The following COL22A1 variants were observed in gnomAD, a reference collection of about 807,000 sequenced individuals.
COL22A1 encodes the protein collagen type XXII alpha 1 chain.
A neutral mutation model predicts 248.9 loss-of-function variants in COL22A1; 221 were observed. The observed-to-expected ratio is 0.89, with a 90% confidence interval of 0.80 to 0.99. The LOEUF (loss-of-function observed/expected upper bound fraction) is 0.99. Ranked by LOEUF, COL22A1 falls within the 50% of genes least tolerant of loss-of-function variation. The pLI, the probability that COL22A1 is intolerant of heterozygous loss-of-function variation, is 0.00. For synonymous variants in COL22A1, 891 were observed against 793.4 expected (o/e 1.12, Z -2.07); for missense variants, 2,240 against 2,179.0 (o/e 1.03, Z -0.56).
intron 5 of COL22A1, among the ~76,000 whole-genome samples, chr8:138,831,338 C>T (rs563028446): frequency 6.6e-6 from 1 of 152,306 alleles, no homozygotes; most frequent in East Asian, 1.9e-4. Context: ...TTTCCTCATT[C>T]CCTACTCTGG....
At chr8:138,768,043 G>A (rs1834045751) in intron 16 of COL22A1, among the ~76,000 whole-genome samples, 1 of 152,182 alleles carries the variant, frequency 6.6e-6, no homozygotes, top group South Asian at 2.1e-4. Flanking sequence ...GTGTCCCTGT[G>A]GTACTTCATG....
intron 47 of COL22A1, among the ~76,000 whole-genome samples, chr8:138,642,653 G>A (rs1821817596): frequency 6.6e-6 from 1 of 152,172 alleles, no homozygotes; most frequent in Non-Finnish European, 1.5e-5. Context: ...CTGCATGCAG[G>A]CTTGGGCTGA....
chr8:138,819,452 G>A (rs1206632703), intron 7 of COL22A1, among the ~76,000 whole-genome samples: 1 of 151,840 alleles, frequency 6.6e-6, no homozygotes, highest in Non-Finnish European at 1.5e-5. Flanking sequence ...TGGTAATCAG[G>A]CAAATGCAGA....
intron 27 of COL22A1, among the ~76,000 whole-genome samples, chr8:138,718,299 G>A: frequency 6.6e-6 from 1 of 152,146 alleles, no homozygotes; most frequent in Non-Finnish European, 1.5e-5. Context: ...CCAGAATTGT[G>A]CAAATACTCG....
At chr8:138,854,698 G>T (rs1251516997) in intron 3 of COL22A1, among the ~76,000 whole-genome samples, 2 of 152,152 alleles carry the variant, frequency 1.3e-5, no homozygotes, top group African/African-American at 4.8e-5. Flanking sequence ...ACAATAAGAG[G>T]CCTTCTGCCC....
At chr8:138,844,913 G>T (rs1488598983) in intron 3 of COL22A1, among the ~76,000 whole-genome samples, 1 of 143,790 alleles carries the variant, frequency 7.0e-6, no homozygotes, top group African/African-American at 2.6e-5. Context: ...TCACGTGGCT[G>T]CACTCCAGCC....
intron 23 of COL22A1, among the ~76,000 whole-genome samples, chr8:138,729,815 ACT>A (rs1830575977): frequency 6.6e-6 from 1 of 151,878 alleles, no homozygotes; most frequent in Non-Finnish European, 1.5e-5. Context: ...GTGGGCAGAA[ACT>A]CTAAATAGAG....
At chr8:138,681,444 T>A (rs1825957288) in intron 39 of COL22A1, among the ~76,000 whole-genome samples, 1 of 152,066 alleles carries the variant, frequency 6.6e-6, no homozygotes, top group African/African-American at 2.4e-5. Flanking sequence ...TACTGTTAGA[T>A]CAGTGGTCAT....
At chr8:138,697,280 A>C (rs540074011) in intron 32 of COL22A1, among the ~76,000 whole-genome samples, 1 of 152,184 alleles carries the variant, frequency 6.6e-6, no homozygotes, top group Admixed American at 6.5e-5. Flanking sequence ...TCTGGGACTC[A>C]TGATCATCTC....
At chr8:138,806,315 G>T (rs965702603) in intron 10 of COL22A1, among the ~76,000 whole-genome samples, 1 of 147,694 alleles carries the variant, frequency 6.8e-6, no homozygotes. Context: ...TGTATTATGG[G>T]GTGTGTGTGT....
intron 50 of COL22A1, 110 bp downstream of exon 50, chr8:138,630,585 T>C (rs1397633532): frequency 1.1e-6 from 1 of 904,402 alleles, no homozygotes; most frequent in African/African-American, 1.7e-5. Context: ...ACCTCAAAAA[T>C]ATGTGAGCCA....
At chr8:138,846,158 A>G (rs1366149688) in intron 3 of COL22A1, among the ~76,000 whole-genome samples, 1 of 152,212 alleles carries the variant, frequency 6.6e-6, no homozygotes, top group African/African-American at 2.4e-5. Flanking sequence ...CAGGCACAGC[A>G]CAATATTTAG....
chr8:138,690,992 A>ACCT (rs971809697), intron 35 of COL22A1, 118 bp from the exon 36 acceptor site: 1 of 748,420 alleles, frequency 1.3e-6, no homozygotes, highest in African/African-American at 1.8e-5. Flanking sequence ...ACTGCTGCTG[A>ACCT]CCTGACAGCC....
chr8:138,684,566 C>G, intron 38 of COL22A1, 97 bp from the exon 39 acceptor site: 10 of 866,752 alleles, frequency 1.2e-5, no homozygotes, highest in Non-Finnish European at 2.0e-5. Context: ...TGCTGGGGAC[C>G]CAGAGATGGG....
chr8:138,837,738 AG>A (rs1278160712), intron 4 of COL22A1, among the ~76,000 whole-genome samples: 1 of 152,136 alleles, frequency 6.6e-6, no homozygotes, highest in African/African-American at 2.4e-5. Context: ...GAAGACCTGG[AG>A]GGCCCTGCGG....
At chr8:138,674,921 C>T (rs1825389452) in intron 41 of COL22A1, among the ~76,000 whole-genome samples, 1 of 152,106 alleles carries the variant, frequency 6.6e-6, no homozygotes, top group Non-Finnish European at 1.5e-5. Context: ...AGTGTTCCTT[C>T]CAGTTACAAA....
At chr8:138,794,282 G>A (rs1816309641) in intron 12 of COL22A1, among the ~76,000 whole-genome samples, 1 of 152,014 alleles carries the variant, frequency 6.6e-6, no homozygotes, top group Non-Finnish European at 1.5e-5. Flanking sequence ...AGCTACTCAG[G>A]AGGCTGAGGC....
chr8:138,744,792 G>C (rs939983662), intron 22 of COL22A1, among the ~76,000 whole-genome samples: 2 of 151,990 alleles, frequency 1.3e-5, no homozygotes, highest in African/African-American at 2.4e-5. Flanking sequence ...CCTTCTCTTA[G>C]CTATACATCT....
At chr8:138,812,501 C>G (rs1329236246) in intron 8 of COL22A1, among the ~76,000 whole-genome samples, 2 of 152,204 alleles carry the variant, frequency 1.3e-5, no homozygotes, top group African/African-American at 4.8e-5. Flanking sequence ...GGTCCGAGAA[C>G]AGAGCAGAGC....
Sources: allele counts gnomAD v4.1 joint callset (sites outside exome capture counted in the v4.1 genomes callset), GRCh38; gene constraint gnomAD v4.1.1; transcripts MANE v1.5; gene names NCBI Gene and HGNC (gene_info 2026-07-23, HGNC 2026-07-21).